Variants in PFKFB3 observed in about 807,000 individuals in gnomAD.
The protein encoded by PFKFB3 is 6-phosphofructo-2-kinase/fructose-2,6-biphosphatase 3, also known as 6-phosphofructo-2-kinase/fructose-2,6-bisphosphatase 3.
A neutral mutation model predicts 68.0 loss-of-function variants in PFKFB3; 33 were observed. The observed-to-expected ratio is 0.49, with a 90% CI of 0.37 to 0.65. The LOEUF (loss-of-function observed/expected upper bound fraction) is 0.65. PFKFB3 is among the 30% of genes least tolerant of loss of function. PFKFB3 has a pLI of 0.00. For synonymous variants in PFKFB3, 315 were observed against 288.2 expected (o/e 1.09, Z -0.94); for missense variants, 586 against 712.2 (o/e 0.82, Z 2.02).
intron 14 of PFKFB3, chr10:6,226,587 T>TG: frequency 3.6e-6 from 2 of 555,652 alleles, no homozygotes. Flanking sequence ...GTTAAGATCC[T>TG]GGGGGCTTTC....
chr10:6,228,338 G>A lies in PFKFB3; in HGVS notation c.1515+1973G>A, dbSNP rs768162562. 8 of 1,076,252 alleles carry A rather than the reference G, an allele frequency of 7.4e-6. No individual in the cohort carries two copies. The highest frequency in any genetic ancestry group is 8.6e-6 in the Non-Finnish European group (6 of 699,870). 66.7% of individuals were successfully genotyped at this position (1,076,252 alleles called of 1,614,324 possible). ...AGTTTTGTGATGTGAGGTCTTCCGTGGGGGAAGGAGGAGATGGGCGTAGGA... is the reference window on the plus strand; with the variant it reads ...AGTTTTGTGATGTGAGGTCTTCCGTAGGGGAAGGAGGAGATGGGCGTAGGA... On this transcript the variant is annotated intron_variant, in intron 14 of 14. Coordinates refer to ENST00000379775, the MANE Select transcript of PFKFB3 (RefSeq NM_004566.4). This position sits in a 1 kb window ranked among gnomAD's most constrained non-coding sequence, Gnocchi z 4.5.
intron 1 of PFKFB3, among the ~76,000 whole-genome samples, chr10:6,176,348 A>G (rs540559354): frequency 1.3e-5 from 2 of 152,202 alleles, no homozygotes; most frequent in African/African-American, 2.4e-5. Flanking sequence ...TTGCATAGGC[A>G]TGCTTTCCTG....
chr10:6,185,467 G>A (rs1842843225), intron 1 of PFKFB3, among the ~76,000 whole-genome samples: 1 of 152,118 alleles, frequency 6.6e-6, no homozygotes, highest in African/African-American at 2.4e-5. Context: ...GCCACTGCGG[G>A]GGCGAGGAGA....
At chr10:6,315,474 C>T in the PFKFB3 span, among the ~76,000 whole-genome samples, 24,377 of 152,102 alleles carry the variant, frequency 0.16, 3,033 homozygotes, top group East Asian at 0.68. Context: ...CCTCTGTCCC[C>T]GAGTATTTTC....
At chr10:6,224,479 TTCTC>T (rs1261703899) in intron 13 of PFKFB3, 8 of 619,048 alleles carry the variant, frequency 1.3e-5, no homozygotes, top group Non-Finnish European at 1.5e-5. Context: ...GGAAGATACA[TTCTC>T]TCTTTTTTTT....
rs969544668 is a variant in PFKFB3, at chr10:6,207,283, C to T, written c.76+3947C>T. 2.6e-5 allele frequency among the ~76,000 whole-genome samples: 4 copies of T among 152,144 alleles called. No homozygotes were observed. In the East Asian group the frequency reaches 5.8e-4, roughly 22 times the overall value. Reference sequence around the variant, plus strand: ...AAACCCCGTCTCCACCAAAAAAATACGAAAACCAGTCAGGCGTGGCGGCGC... The same window carrying T: ...AAACCCCGTCTCCACCAAAAAAATATGAAAACCAGTCAGGCGTGGCGGCGC... On this transcript the variant is annotated intron_variant, in intron 1 of 14. Transcript: ENST00000379775.
the PFKFB3 span, among the ~76,000 whole-genome samples, chr10:6,324,176 G>A: frequency 6.6e-6 from 1 of 152,180 alleles, no homozygotes; most frequent in Non-Finnish European, 1.5e-5. Flanking sequence ...GACGAACCTT[G>A]ATGACATGAC....
chr10:6,171,831 C>G, intron 1 of PFKFB3, among the ~76,000 whole-genome samples: 1 of 152,248 alleles, frequency 6.6e-6, no homozygotes, highest in African/African-American at 2.4e-5. Context: ...TTGGATATCT[C>G]AGCTCAGAGC....
intron 1 of PFKFB3, chr10:6,145,141 C>A: frequency 2.9e-6 from 2 of 687,700 alleles, no homozygotes; most frequent in Non-Finnish European, 4.1e-6. Flanking sequence ...GCGGCGGTGC[C>A]GCCCGGGGCC....
At chr10:6,256,354 C>T (rs1221913896), downstream of PFKFB3, among the ~76,000 whole-genome samples, 2 of 152,160 alleles carry the variant, frequency 1.3e-5, no homozygotes, top group African/African-American at 4.8e-5. Flanking sequence ...GTAACTGAAC[C>T]TACCTTCAGT....
At position 6,147,113 on chromosome 10, in the gene PFKFB3, C is replaced by G. The variant is rs116941728; in HGVS notation, c.16+2100C>G. On this transcript the variant is annotated intron_variant, in intron 1 of 14. Transcript: ENST00000379789. Reference sequence around the variant, plus strand: ...GGAACTGCAGGGAGCCAGGCCGCGGCTGGGTTTGGTGCTGAGCCGTGGTCT... The same window carrying G: ...GGAACTGCAGGGAGCCAGGCCGCGGGTGGGTTTGGTGCTGAGCCGTGGTCT... Among the ~76,000 whole-genome samples, 16 of 152,260 alleles carry G rather than the reference C, an allele frequency of 1.1e-4. No homozygotes were observed. In the East Asian group the frequency reaches 2.7e-3, roughly 26 times the overall value.
chr10:6,164,366 CGGGTGAA>C (rs1842066383), intron 1 of PFKFB3, among the ~76,000 whole-genome samples: 1 of 152,192 alleles, frequency 6.6e-6, no homozygotes, highest in South Asian at 2.1e-4. Context: ...AGTGAGTGAG[CGGGTGAA>C]GGGTCAGGAA....
At chr10:6,309,998 G>T in the PFKFB3 span, among the ~76,000 whole-genome samples, 8,477 of 152,250 alleles carry the variant, frequency 0.056, 845 homozygotes, top group East Asian at 0.42. Context: ...AGCTTGGATT[G>T]ACGGGCATTA....
the PFKFB3 span, among the ~76,000 whole-genome samples, chr10:6,264,439 A>G: frequency 6.6e-6 from 1 of 152,224 alleles, no homozygotes; most frequent in Non-Finnish European, 1.5e-5. Context: ...AAGAACTGAT[A>G]TCTTTACAAT....
At chr10:6,321,590 C>A in the PFKFB3 span, among the ~76,000 whole-genome samples, 1 of 152,072 alleles carries the variant, frequency 6.6e-6, no homozygotes, top group South Asian at 2.1e-4. Context: ...ATTTTAAATG[C>A]CCTGTGTCCT....
chr10:6,260,166 C>T, the PFKFB3 span, among the ~76,000 whole-genome samples: 1 of 152,136 alleles, frequency 6.6e-6, no homozygotes, highest in Non-Finnish European at 1.5e-5. Flanking sequence ...GTAATCCCAG[C>T]ACTTTGGGAG....
intron 1 of PFKFB3, among the ~76,000 whole-genome samples, chr10:6,166,820 TC>T (rs1283462702): frequency 0.025 from 1,725 of 68,694 alleles, 71 homozygotes; most frequent in East Asian, 0.13. Context: ...CCCTTCTTCT[TC>T]TTTTTTTTTT....
At chr10:6,243,199 T>C (rs1045101402) in intron 14 of PFKFB3, among the ~76,000 whole-genome samples, 9 of 152,196 alleles carry the variant, frequency 5.9e-5, no homozygotes, top group African/African-American at 2.2e-4. Context: ...CAGAGCGCGT[T>C]TCATTAGAGA....
intron 1 of PFKFB3, among the ~76,000 whole-genome samples, chr10:6,146,984 T>C (rs1841409095): frequency 6.6e-6 from 1 of 152,220 alleles, no homozygotes; most frequent in African/African-American, 2.4e-5. Context: ...CGTTTCCCGG[T>C]CACCCTGGTG....
Sources: allele counts gnomAD v4.1 joint callset (sites outside exome capture counted in the v4.1 genomes callset), GRCh38; gene constraint gnomAD v4.1.1; non-coding constraint Gnocchi (gnomAD v3.1); transcripts MANE v1.5; gene names NCBI Gene and HGNC (gene_info 2026-07-23, HGNC 2026-07-21).